ZNF236: variants seen among roughly 807,000 people sequenced by gnomAD.
ZNF236 encodes the protein zinc finger protein 236, also known as regulated by glucose.
ZNF236 carries 50 observed loss-of-function variants against 191.2 expected under a neutral mutation model. That is an observed-to-expected ratio of 0.26 (90% CI 0.21 to 0.33). The LOEUF (loss-of-function observed/expected upper bound fraction) is 0.33, where lower values mean the gene tolerates loss of function less well. Ranked by LOEUF, ZNF236 falls within the 10% of genes least tolerant of loss-of-function variation. The pLI is 1.00. For missense variants in ZNF236, 1,754 were observed against 2,374.5 expected (o/e 0.74, Z 5.43); for synonymous variants, 907 against 928.8 (o/e 0.98, Z 0.43).
chr18:76,960,187 C>A lies in ZNF236; in HGVS notation c.5242+371C>A, dbSNP rs1382374500. 2.6e-5 allele frequency among the ~76,000 whole-genome samples: 4 copies of A among 152,212 alleles called. No individual in the cohort carries two copies. The highest frequency in any genetic ancestry group is 9.6e-5 in the African/African-American group (4 of 41,454). On this transcript the variant is annotated intron_variant, in intron 29 of 30. Transcript: ENST00000320610. The surrounding 1 kb of genome is among the most constrained non-coding windows in gnomAD (Gnocchi z 4.4). ...GAACTTAATTTTTAATCTTCCTCTT[C>A]TGTCTTAAAACTTTTTTTCTCTGCT... is the stretch of plus-strand genomic sequence containing the variant.
chr18:76,823,277 C>A (rs1378046536), intron 1 of ZNF236, among the ~76,000 whole-genome samples: 4 of 151,350 alleles, frequency 2.6e-5, no homozygotes, highest in Non-Finnish European at 5.9e-5. Flanking sequence ...TTATCTGGGG[C>A]GCGCTGTGGG....
chr18:76,838,904 C>T (rs79081026), intron 1 of ZNF236, among the ~76,000 whole-genome samples: 3,354 of 152,286 alleles, frequency 0.022, 57 homozygotes, highest in Non-Finnish European at 0.03. Flanking sequence ...CTCCTTGTTG[C>T]GACTAGCCAC....
intron 9 of ZNF236, among the ~76,000 whole-genome samples, chr18:76,890,431 A>G (rs889592283): frequency 2.6e-5 from 4 of 152,212 alleles, no homozygotes; most frequent in African/African-American, 9.6e-5. Flanking sequence ...TGTCAGTAAC[A>G]TACTTGATAA....
intron 25 of ZNF236, among the ~76,000 whole-genome samples, chr18:76,936,668 A>C (rs1599410116): frequency 6.6e-6 from 1 of 152,206 alleles, no homozygotes; most frequent in East Asian, 1.9e-4. Context: ...TTATCCCGTA[A>C]GCTCAGGAGC....
At chr18:76,918,178 T>C (rs1335666599) in intron 19 of ZNF236, among the ~76,000 whole-genome samples, 1 of 152,286 alleles carries the variant, frequency 6.6e-6, no homozygotes, top group East Asian at 1.9e-4. Flanking sequence ...CCTTCTCTAG[T>C]ATTCTTTTTT....
intron 1 of ZNF236, chr18:76,840,784 T>TGTGTGTGTGTGTGTGCGC (rs1568189224): frequency 4.8e-5 from 7 of 145,968 alleles, no homozygotes; most frequent in Admixed American, 1.4e-4. Flanking sequence ...CCTGTGTGTG[T>TGTGTGTGTGTGTGTGCGC]GTGTGTGTGT....
chr18:76,934,093 T>TA (rs1353404877), intron 25 of ZNF236, among the ~76,000 whole-genome samples: 1 of 152,254 alleles, frequency 6.6e-6, no homozygotes, highest in African/African-American at 2.4e-5. Context: ...TTTTTGATTC[T>TA]CTATGCAAGC....
intron 22 of ZNF236, 56 bp from the exon 23 acceptor site, chr18:76,926,981 T>C (rs1437841028): frequency 3.2e-6 from 5 of 1,557,148 alleles, no homozygotes; most frequent in Middle Eastern, 1.7e-4. Flanking sequence ...TGAATTACTT[T>C]AGTTTTAAGA....
chr18:76,932,255 G>A (rs1443131011), intron 25 of ZNF236, among the ~76,000 whole-genome samples: 2 of 152,180 alleles, frequency 1.3e-5, no homozygotes, highest in Non-Finnish European at 2.9e-5. Flanking sequence ...GAGGGGCTTG[G>A]GAGTGTGGTG....
At position 76,883,749 on chromosome 18, in the gene ZNF236, A is replaced by G. The variant is rs377310452; in HGVS notation, c.1417+2237A>G. Among the ~76,000 whole-genome samples the G allele has an allele frequency of 9.2e-5, 14 of 152,242 alleles. 1 individual carries two copies. Among genetic ancestry groups the G allele is most frequent in the Admixed American group, 6.5e-5 (1 of 15,300 alleles). On this transcript the variant is annotated intron_variant, in intron 9 of 30. Transcript: ENST00000320610. Reference sequence around the variant, plus strand: ...AGCCTGGGGACACGTTTCTATATAAAGATGTTCCTTTTAATTAAAACTTTT... The same window carrying G: ...AGCCTGGGGACACGTTTCTATATAAGGATGTTCCTTTTAATTAAAACTTTT...
rs1262949335 is a variant in ZNF236, at chr18:76,880,541, T to A, written c.1188+225T>A. On this transcript the variant is annotated intron_variant, in intron 8 of 30. Coordinates refer to ENST00000320610, the MANE Select transcript of ZNF236 (RefSeq NM_001306089.2). This position sits in a 1 kb window ranked among gnomAD's most constrained non-coding sequence, Gnocchi z 5.0. ...CATTAAAAAAAAAATCACAAACTTT[T>A]ATTTTTTTTCCATAAGTGAACTTTA... 6.6e-6 allele frequency among the ~76,000 whole-genome samples: 1 copy of A among 152,228 alleles called. No homozygotes were observed. Among genetic ancestry groups the A allele is most frequent in the African/African-American group, 2.4e-5 (1 of 41,454 alleles).
At chr18:76,860,335 A>G (rs1375090654) in intron 3 of ZNF236, among the ~76,000 whole-genome samples, 1 of 152,188 alleles carries the variant, frequency 6.6e-6, no homozygotes, top group Non-Finnish European at 1.5e-5. Flanking sequence ...CAGCACAGTG[A>G]GCTTTACCGT....
chr18:76,834,582 C>T (rs1975267327), intron 1 of ZNF236: 4 of 475,604 alleles, frequency 8.4e-6, no homozygotes, highest in Admixed American at 6.9e-5. Flanking sequence ...TGCCTGTGTG[C>T]ACAGTTGGGG....
At chr18:76,834,819 G>T in intron 1 of ZNF236, 1 of 473,248 alleles carries the variant, frequency 2.1e-6, no homozygotes, top group East Asian at 5.7e-5. Flanking sequence ...CTGCGAATGT[G>T]GGAAGGTGCA....
At chr18:76,846,856 G>A (rs1975699561) in intron 1 of ZNF236, among the ~76,000 whole-genome samples, 1 of 151,462 alleles carries the variant, frequency 6.6e-6, no homozygotes, top group Non-Finnish European at 1.5e-5. Flanking sequence ...GTGCAGTGGT[G>A]CAATCTCGGA....
chr18:76,893,847 G>T (rs561195200), intron 9 of ZNF236, among the ~76,000 whole-genome samples: 19 of 152,188 alleles, frequency 1.2e-4, no homozygotes, highest in Non-Finnish European at 2.5e-4. Flanking sequence ...TTCTTGCAAA[G>T]AATATTGTAT....
At chr18:76,887,794 G>C (rs1977101497) in intron 9 of ZNF236, 1 of 152,178 alleles carries the variant, frequency 6.6e-6, no homozygotes, top group Admixed American at 6.5e-5. Context: ...CAGCACAGGA[G>C]AAACACACCC....
At chr18:76,965,251 T>A (rs890828802) in intron 30 of ZNF236, among the ~76,000 whole-genome samples, 1 of 152,228 alleles carries the variant, frequency 6.6e-6, no homozygotes, top group African/African-American at 2.4e-5. Context: ...GTTTTTTATT[T>A]ATGCTATCAA....
At chr18:76,863,494 G>A (rs144667811) in intron 3 of ZNF236, among the ~76,000 whole-genome samples, 58 of 152,122 alleles carry the variant, frequency 3.8e-4, no homozygotes, top group African/African-American at 1.3e-3. Context: ...AGGTGACAGC[G>A]AATTTCTCAT....
Sources: gnomAD v4.1 joint callset for allele counts (sites outside exome capture counted in the v4.1 genomes callset) on GRCh38, gnomAD v4.1.1 for gene constraint, Gnocchi (gnomAD v3.1) non-coding constraint, MANE v1.5 for transcripts, NCBI Gene and HGNC (gene_info 2026-07-23, HGNC 2026-07-21) for gene names.